Variants in POLA1 observed in about 807,000 individuals in gnomAD.
The protein encoded by POLA1 is DNA polymerase alpha 1, catalytic subunit, also known as DNA polymerase alpha catalytic subunit.
Under a neutral mutation model 124.0 loss-of-function variants are expected in POLA1, and 15 were observed. The ratio of observed to expected loss-of-function variants is 0.12; its 90% confidence interval spans 0.08 to 0.19. The LOEUF is 0.19. Ranked by LOEUF, POLA1 falls within the 10% of genes least tolerant of loss-of-function variation. The pLI, the probability that POLA1 is intolerant of heterozygous loss-of-function variation, is 1.00. For missense variants in POLA1, 886 were observed against 1,103.4 expected (o/e 0.80, Z 2.79); for synonymous variants, 408 against 389.4 (o/e 1.05, Z -0.56).
intron 35 of POLA1, among the ~76,000 whole-genome samples, chrX:24,906,105 C>A (rs2047362629): frequency 8.9e-6 from 1 of 111,775 alleles, no homozygotes; most frequent in Admixed American, 9.5e-5. Context: ...ATGGAGATTC[C>A]TTAAAGAACT....
intron 34 of POLA1, among the ~76,000 whole-genome samples, chrX:24,873,515 AT>A (rs1257873274): frequency 1.8e-5 from 2 of 112,113 alleles, no homozygotes; most frequent in Non-Finnish European, 3.8e-5. Context: ...ATATAATAGA[AT>A]TTTGTGCAAC....
At chrX:24,958,161 G>C (rs1224148953) in intron 36 of POLA1, among the ~76,000 whole-genome samples, 1 of 111,735 alleles carries the variant, frequency 8.9e-6, no homozygotes, top group Admixed American at 9.5e-5. Context: ...GACTTGAGGT[G>C]ATCTTTGCGA....
chrX:24,893,256 G>T (rs1402615096), intron 35 of POLA1, among the ~76,000 whole-genome samples: 1 of 112,109 alleles, frequency 8.9e-6, no homozygotes, highest in Non-Finnish European at 1.9e-5. Flanking sequence ...CTCCAGTAGG[G>T]AATGGTGGTT....
At chrX:24,940,605 A>C (rs993469052) in intron 36 of POLA1, among the ~76,000 whole-genome samples, 6 of 111,995 alleles carry the variant, frequency 5.4e-5, no homozygotes, top group African/African-American at 1.9e-4. Context: ...AGATACAGGT[A>C]TACTAATTTC....
chrX:24,817,781 A>G (rs1052253090), intron 30 of POLA1, among the ~76,000 whole-genome samples: 4 of 110,704 alleles, frequency 3.6e-5, no homozygotes, highest in Non-Finnish European at 7.6e-5. Flanking sequence ...CATTTGTTAA[A>G]GGTGATATAT....
chrX:24,900,496 A>G (rs1286046151), intron 35 of POLA1, among the ~76,000 whole-genome samples: 14 of 112,135 alleles, frequency 1.2e-4, no homozygotes, highest in Non-Finnish European at 1.3e-4. Flanking sequence ...CCAACACCAC[A>G]TTGGTTCAGT....
At position 24,806,053 on chromosome X, in the gene POLA1, G is replaced by GTTTTTTTTTTTT. The variant is rs751012614; in HGVS notation, c.2965-3800_2965-3789dup. On this transcript the variant is annotated intron_variant, in intron 26 of 36. Transcript: ENST00000379068. ...TTCTAGAACATTTATGTGGTATGAG[G>GTTTTTTTTTTTT]TTTTTTTTTTTTTTTTTTTTTTTTT... 5.7e-5 allele frequency among the ~76,000 whole-genome samples: 2 copies of GTTTTTTTTTTTT among 35,302 alleles called. 1 individual carries two copies. Among genetic ancestry groups the GTTTTTTTTTTTT allele is most frequent in the African/African-American group, 2.4e-4 (2 of 8,386 alleles). 30.7% of individuals were successfully genotyped at this position (35,302 alleles called of 115,157 possible).
intron 3 of POLA1, 23 bp downstream of exon 3, chrX:24,703,370 C>T (rs1175873881): frequency 4.6e-6 from 4 of 870,620 alleles, no homozygotes; most frequent in African/African-American, 2.0e-5. Context: ...GAGGTGGGGG[C>T]GGGGATGTTG....
intron 26 of POLA1, among the ~76,000 whole-genome samples, chrX:24,793,600 T>C (rs907621248): frequency 9.0e-6 from 1 of 111,248 alleles, no homozygotes; most frequent in Non-Finnish European, 1.9e-5. Context: ...GTTTTGTTTT[T>C]TTGAGACAGA....
At chrX:24,980,208 A>G (rs1324773061) in intron 36 of POLA1, among the ~76,000 whole-genome samples, 2 of 111,835 alleles carry the variant, frequency 1.8e-5, no homozygotes, top group East Asian at 2.8e-4. Context: ...GGTGACGACT[A>G]TGCATTTTGA....
At chrX:24,885,470 A>G (rs1278601779) in intron 34 of POLA1, among the ~76,000 whole-genome samples, 2 of 111,284 alleles carry the variant, frequency 1.8e-5, no homozygotes, top group Non-Finnish European at 3.8e-5. Flanking sequence ...ACTATTCCCC[A>G]CTGTATCTCC....
chrX:24,709,972 A>G (rs1247758344), intron 4 of POLA1, among the ~76,000 whole-genome samples: 1 of 87,402 alleles, frequency 1.1e-5, no homozygotes, highest in East Asian at 3.7e-4. Context: ...GACACTCCTC[A>G]CTTCCCAGAC....
chrX:24,873,541 C>T (rs1330111223), intron 34 of POLA1, among the ~76,000 whole-genome samples: 1 of 112,119 alleles, frequency 8.9e-6, no homozygotes, highest in Non-Finnish European at 1.9e-5. Context: ...AACAAGAACA[C>T]TGCAGATCTA....
intron 26 of POLA1, among the ~76,000 whole-genome samples, chrX:24,804,434 C>A (rs925485158): frequency 1.8e-5 from 2 of 111,551 alleles, no homozygotes; most frequent in East Asian, 2.8e-4. Context: ...TATTTTACTA[C>A]CCCTGTTATG....
intron 35 of POLA1, among the ~76,000 whole-genome samples, chrX:24,919,809 T>TTTTTTTTTTTTG (rs2047586646): frequency 1.1e-5 from 1 of 89,454 alleles, no homozygotes; most frequent in African/African-American, 4.4e-5. Context: ...TTTTTTTTTG[T>TTTTTTTTTTTTG]TTTTTTTTTT....
chrX:24,828,533 C>A (rs1181755768), intron 32 of POLA1, among the ~76,000 whole-genome samples: 1 of 111,793 alleles, frequency 8.9e-6, no homozygotes, highest in East Asian at 2.8e-4. Context: ...TTTCTTGCTC[C>A]CTCTATTTCT....
At chrX:24,916,621 A>T (rs376650804) in intron 35 of POLA1, among the ~76,000 whole-genome samples, 1 of 111,389 alleles carries the variant, frequency 9.0e-6, no homozygotes, top group Non-Finnish European at 1.9e-5. Flanking sequence ...CATCAATGGG[A>T]TGTATTATCA....
intron 36 of POLA1, among the ~76,000 whole-genome samples, chrX:24,990,990 TTTTA>T (rs2048529036): frequency 8.9e-6 from 1 of 112,196 alleles, no homozygotes; most frequent in Non-Finnish European, 1.9e-5. Flanking sequence ...ACCATTCTGA[TTTTA>T]TTTTTTGAAG....
intron 35 of POLA1, among the ~76,000 whole-genome samples, chrX:24,928,798 T>G (rs1254646771): frequency 8.9e-6 from 1 of 111,798 alleles, no homozygotes; most frequent in African/African-American, 3.3e-5. Context: ...GTAATCAGGA[T>G]TCGCTAAAAA....
Sources: gnomAD v4.1 joint callset for allele counts (sites outside exome capture counted in the v4.1 genomes callset) on GRCh38, gnomAD v4.1.1 for gene constraint, MANE v1.5 for transcripts, NCBI Gene and HGNC (gene_info 2026-07-23, HGNC 2026-07-21) for gene names.